The following NELL1 variants were observed in gnomAD, a reference collection of about 807,000 sequenced individuals.
NELL1 encodes protein kinase C-binding protein NELL1.
Under a neutral mutation model 107.4 loss-of-function variants are expected in NELL1, and 76 were observed. The ratio of observed to expected loss-of-function variants is 0.71; its 90% CI spans 0.59 to 0.86. The LOEUF (loss-of-function observed/expected upper bound fraction) is 0.86, where lower values mean the gene tolerates loss of function less well. Among genes scored for constraint, NELL1 ranks in the 40% least tolerant of loss-of-function variants. NELL1 has a pLI of 0.00. For missense variants in NELL1, 1,024 were observed against 1,005.5 expected, an observed-to-expected ratio of 1.02 and a Z score of -0.25; for synonymous variants, 353 against 341.2, an observed-to-expected ratio of 1.03 and a Z score of -0.38.
chr11:21,403,059 ACT>A (rs1305168782), intron 15 of NELL1, among the ~76,000 whole-genome samples: 1 of 151,734 alleles, frequency 6.6e-6, no homozygotes, highest in East Asian at 2.0e-4. Flanking sequence ...TATGGAGGGC[ACT>A]GTTTGCTGCT....
At chr11:20,774,546 CT>C (rs34246362) in intron 2 of NELL1, among the ~76,000 whole-genome samples, 97,197 of 151,476 alleles carry the variant, frequency 0.64, 34,635 homozygotes, top group East Asian at 0.83. Context: ...TTTCTTATAT[CT>C]CTGAACTGAA....
At chr11:20,757,343 TCTC>T (rs1003057659) in intron 2 of NELL1, among the ~76,000 whole-genome samples, 3 of 152,142 alleles carry the variant, frequency 2.0e-5, no homozygotes, top group African/African-American at 7.2e-5. Flanking sequence ...TAGAGAGACT[TCTC>T]CTGGCTGCCT....
intron 12 of NELL1, among the ~76,000 whole-genome samples, chr11:21,037,312 T>C (rs994618694): frequency 1.3e-5 from 2 of 152,138 alleles, no homozygotes; most frequent in Non-Finnish European, 2.9e-5. Context: ...TTCTTCTAAG[T>C]GCATTTGGGA....
At chr11:21,004,803 C>T (rs949749226) in intron 12 of NELL1, among the ~76,000 whole-genome samples, 5 of 152,026 alleles carry the variant, frequency 3.3e-5, no homozygotes, top group African/African-American at 4.8e-5. Context: ...TCCAAAGGAA[C>T]ATTGGCTGCA....
intron 13 of NELL1, among the ~76,000 whole-genome samples, chr11:21,204,928 T>A (rs1857355928): frequency 6.6e-6 from 1 of 152,154 alleles, no homozygotes; most frequent in African/African-American, 2.4e-5. Context: ...TGCCTGGGTA[T>A]CACCAGCAGA....
At chr11:21,004,425 A>T (rs920415526) in intron 12 of NELL1, among the ~76,000 whole-genome samples, 5 of 152,006 alleles carry the variant, frequency 3.3e-5, no homozygotes, top group Non-Finnish European at 7.4e-5. Context: ...TATCATCCCC[A>T]TGAGGGAGTT....
At chr11:20,715,152 G>T (rs973635205) in intron 2 of NELL1, among the ~76,000 whole-genome samples, 2 of 152,094 alleles carry the variant, frequency 1.3e-5, no homozygotes, top group Non-Finnish European at 2.9e-5. Context: ...CCCTGAGGCA[G>T]GAGAATGGCG....
At chr11:21,328,556 G>C (rs947308632) in intron 14 of NELL1, among the ~76,000 whole-genome samples, 18 of 152,144 alleles carry the variant, frequency 1.2e-4, no homozygotes, top group African/African-American at 4.1e-4. Context: ...GCACTGCCTG[G>C]TGGAGCTGTG....
At chr11:21,240,421 A>G (rs1237247171) in intron 14 of NELL1, among the ~76,000 whole-genome samples, 2 of 151,950 alleles carry the variant, frequency 1.3e-5, no homozygotes, top group African/African-American at 4.8e-5. Context: ...TTTAGTTCTA[A>G]GAGAAGGAAG....
chr11:20,905,013 T>G (rs1397393877), intron 5 of NELL1, among the ~76,000 whole-genome samples: 1 of 151,324 alleles, frequency 6.6e-6, no homozygotes, highest in Non-Finnish European at 1.5e-5. Flanking sequence ...TTTTTTTTTT[T>G]TTTTTTCACA....
intron 15 of NELL1, among the ~76,000 whole-genome samples, chr11:21,452,861 CTTTATT>C (rs1430597057): frequency 1.3e-5 from 2 of 151,696 alleles, no homozygotes; most frequent in Non-Finnish European, 2.9e-5. Context: ...TATTTTATAT[CTTTATT>C]TTTATTTAAT....
At chr11:21,280,493 T>C (rs1051149491) in intron 14 of NELL1, among the ~76,000 whole-genome samples, 6 of 152,162 alleles carry the variant, frequency 3.9e-5, no homozygotes, top group Admixed American at 2.0e-4. Flanking sequence ...GCAGGAGCCA[T>C]GTGACATGAA....
rs144276329 is a variant in NELL1 at position 21,523,925 on chromosome 11, G to A, written c.1646-10449G>A. ...TATATATGAGAACATATATACATAC[G>A]TATATGTATATGTATGCATTTGTTC... On this transcript the variant is annotated intron_variant, in intron 15 of 19. Coordinates refer to ENST00000357134, the MANE Select transcript of NELL1 (RefSeq NM_006157.5). 6.5e-4 allele frequency among the ~76,000 whole-genome samples: 99 copies of A among 151,916 alleles called. No homozygotes were observed. The East Asian group carries it at 0.018, about 28-fold the overall frequency.
intron 14 of NELL1, among the ~76,000 whole-genome samples, chr11:21,315,256 C>A (rs983121391): frequency 6.6e-6 from 1 of 152,060 alleles, no homozygotes; most frequent in Non-Finnish European, 1.5e-5. Flanking sequence ...ATAAGAGAAA[C>A]CTTTTATAGT....
chr11:21,049,771 A>C (rs1010383117), intron 12 of NELL1, among the ~76,000 whole-genome samples: 1 of 151,718 alleles, frequency 6.6e-6, no homozygotes, highest in Non-Finnish European at 1.5e-5. Context: ...TCCATCTCCC[A>C]GGTTCAAGCG....
At chr11:21,314,263 C>T (rs1849823801) in intron 14 of NELL1, among the ~76,000 whole-genome samples, 1 of 152,036 alleles carries the variant, frequency 6.6e-6, no homozygotes, top group Non-Finnish European at 1.5e-5. Context: ...TTTAAATACC[C>T]CACTTCCAAT....
At chr11:21,133,919 G>A (rs1382268730) in intron 13 of NELL1, among the ~76,000 whole-genome samples, 1 of 152,218 alleles carries the variant, frequency 6.6e-6, no homozygotes, top group African/African-American at 2.4e-5. Context: ...GCTTCTGCCT[G>A]TTCCCAGCTC....
intron 5 of NELL1, among the ~76,000 whole-genome samples, chr11:20,908,287 G>T (rs1320684870): frequency 2.0e-5 from 3 of 152,146 alleles, no homozygotes; most frequent in East Asian, 3.8e-4. Context: ...CAATAGCAAA[G>T]ACATGGAACT....
chr11:20,826,169 A>T (rs1857879228), intron 3 of NELL1, among the ~76,000 whole-genome samples: 1 of 151,026 alleles, frequency 6.6e-6, no homozygotes, highest in Non-Finnish European at 1.5e-5. Context: ...TTTATAAATT[A>T]CCCAGTCTCG....
Sources: allele counts gnomAD v4.1 joint callset (sites outside exome capture counted in the v4.1 genomes callset), GRCh38; gene constraint gnomAD v4.1.1; transcripts MANE v1.5; gene names NCBI Gene and HGNC (gene_info 2026-07-23, HGNC 2026-07-21).